TCP11: variants seen among roughly 807,000 people sequenced by gnomAD.
TCP11 encodes the protein T-complex protein 11 homolog.
TCP11 carries 34 observed loss-of-function variants against 45.0 expected under a neutral mutation model. The ratio of observed to expected loss-of-function variants is 0.76; its 90% CI spans 0.57 to 1.01. The LOEUF (loss-of-function observed/expected upper bound fraction) is 1.01. Ranked by LOEUF, TCP11 falls within the 50% of genes least tolerant of loss-of-function variation. TCP11 has a pLI of 0.00. For synonymous variants in TCP11, 227 were observed against 227.0 expected (o/e 1.00, Z 0.00); for missense variants, 523 against 598.1 (o/e 0.87, Z 1.31).
Position 35,141,319 on chromosome 6 carries a change from GA to G in TCP11, c.-130del. 8.0e-7 allele frequency: 1 copy of G among 1,248,528 alleles called. No homozygotes were observed. Among genetic ancestry groups the G allele is most frequent in the East Asian group, 3.2e-5 (1 of 31,308 alleles). 77.3% of individuals were successfully genotyped at this position (1,248,528 alleles called of 1,614,324 possible). On this transcript the variant is annotated 5_prime_UTR_variant, in exon 1 of 10. Transcript: ENST00000311875. ...GGCGGGTTGGGGCGTCGCACGGTGA[GA>G]AAGGCCGGGGCCTGAGAACAAACCG... is the stretch of plus-strand genomic sequence containing the variant.
At chr6:35,137,800 G>A (rs748536099) in intron 2 of TCP11, 26 of 455,808 alleles carry the variant, frequency 5.7e-5, no homozygotes, top group South Asian at 4.0e-4. Flanking sequence ...GCTCCAAGAT[G>A]TGGAGGAGAT....
chr6:35,136,007 T>A, intron 3 of TCP11, 100 bp downstream of exon 3: 1 of 762,210 alleles, frequency 1.3e-6, no homozygotes, highest in South Asian at 2.2e-5. Flanking sequence ...AAATACTCAT[T>A]GTATCATTAA....
At chr6:35,124,956 C>T (rs906474611) in intron 4 of TCP11, among the ~76,000 whole-genome samples, 21 of 151,244 alleles carry the variant, frequency 1.4e-4, no homozygotes, top group Admixed American at 5.3e-4. Flanking sequence ...TCGAGGCAGG[C>T]GGATCACCTG....
chr6:35,129,487 C>T (rs1245163224), intron 3 of TCP11, among the ~76,000 whole-genome samples: 4 of 152,142 alleles, frequency 2.6e-5, no homozygotes, highest in African/African-American at 4.8e-5. Context: ...GTGCATCTAG[C>T]CTAGATAACT....
At position 35,119,932 on chromosome 6, in the gene TCP11, A is replaced by G. The variant is rs553484310; in HGVS notation, c.1115+227T>C. 3.3e-5 allele frequency among the ~76,000 whole-genome samples: 5 copies of G among 152,292 alleles called. No homozygotes were observed. In the East Asian group the frequency reaches 9.6e-4, roughly 29 times the overall value. ...CAGCCCACAGTCACCACTCAACTAG[A>G]TAATGACCCTTTTGCAGCAAACTAT... On this transcript the variant is annotated intron_variant, in intron 8 of 9. Coordinates refer to ENST00000311875, the MANE Select transcript of TCP11 (RefSeq NM_001370687.1).
intron 4 of TCP11, among the ~76,000 whole-genome samples, chr6:35,122,574 A>G (rs1278496410): frequency 7.9e-5 from 12 of 152,240 alleles, no homozygotes; most frequent in Non-Finnish European, 1.5e-4. Flanking sequence ...TGAGATATAG[A>G]GATGAATAAA....
In TCP11 at chr6:35,140,784, G is replaced by T. The variant is rs199768438; in HGVS notation, c.87C>A (p.Pro29=). The T allele has an allele frequency of 8.4e-4, 1,288 of 1,531,758 alleles. 7 individuals carry two copies. In the African/African-American group the frequency reaches 0.016, roughly 19 times the overall value. 94.9% of individuals were successfully genotyped at this position (1,531,758 alleles called of 1,614,324 possible). The stretch of plus-strand genomic sequence containing the variant: ...CCTCGGAGCCGCTCTTGTCTTCCTG[G>T]GGGGGTCCTGAGGTTTCGGGCTTAC... ...RSCKPETSGP[P]QEDKSGSEDP... Residue 29 remains proline (P), a synonymous_variant, in exon 2 of 10, where the codon CCC becomes CCA. Coordinates refer to ENST00000311875, the MANE Select transcript of TCP11 (RefSeq NM_001370687.1).
At chr6:35,123,758 A>T (rs2127650558) in intron 4 of TCP11, among the ~76,000 whole-genome samples, 1 of 146,424 alleles carries the variant, frequency 6.8e-6, no homozygotes, top group Middle Eastern at 3.7e-3. Flanking sequence ...AAGTGCTGGG[A>T]TTATAATCAT....
chr6:35,121,450 G>A (rs1581802242), intron 5 of TCP11, among the ~76,000 whole-genome samples: 1 of 145,644 alleles, frequency 6.9e-6, no homozygotes, highest in East Asian at 2.0e-4. Context: ...TCCTAGAGTT[G>A]TGAAATACGG....
intron 4 of TCP11, among the ~76,000 whole-genome samples, chr6:35,124,948 G>A (rs1208656539): frequency 1.3e-5 from 2 of 151,522 alleles, no homozygotes; most frequent in Non-Finnish European, 2.9e-5. Flanking sequence ...TTGGGAGGTC[G>A]AGGCAGGCGG....
At chr6:35,130,942 C>T (rs567541651) in intron 3 of TCP11, among the ~76,000 whole-genome samples, 1 of 152,232 alleles carries the variant, frequency 6.6e-6, no homozygotes, top group South Asian at 2.1e-4. Flanking sequence ...TTCATAAGTG[C>T]CAAAACTTAG....
At chr6:35,139,388 A>C (rs1781474984) in intron 2 of TCP11, among the ~76,000 whole-genome samples, 1 of 152,168 alleles carries the variant, frequency 6.6e-6, no homozygotes, top group East Asian at 1.9e-4. Context: ...ATAAAAAGTT[A>C]AGGAGATTGT....
rs779936728 is a variant in TCP11, at chr6:35,120,318, C to T, written c.956G>A (p.Arg319Gln). 5.6e-6 allele frequency: 9 copies of T among 1,613,990 alleles called. No homozygotes were observed. In the East Asian group the frequency reaches 6.7e-5, roughly 12 times the overall value. ...FPETLLMDRT[R>Q]LQELKSQLHQ... is the part of the protein sequence containing the mutation. The stretch of plus-strand genomic sequence containing the variant: ...CAACTGGGACTTCAGCTCCTGCAGC[C>T]GGGTTCTGTCCATCAGCAGGGTCTG... The change falls in exon 8 of 10, where the codon CGG (arginine) becomes CAG (glutamine). Residue 319 changes from arginine (R) to glutamine (Q), a missense_variant. Coordinates refer to ENST00000311875, the MANE Select transcript of TCP11 (RefSeq NM_001370687.1). The surrounding 1 kb of genome is among the most constrained non-coding windows in gnomAD (Gnocchi z 4.9).
chr6:35,131,099 C>T (rs1247087559), intron 3 of TCP11, among the ~76,000 whole-genome samples: 1 of 152,088 alleles, frequency 6.6e-6, no homozygotes, highest in Non-Finnish European at 1.5e-5. Flanking sequence ...ATGGTGAAAA[C>T]CTATCTCTAC....
intron 3 of TCP11, among the ~76,000 whole-genome samples, chr6:35,131,292 G>A (rs2127671192): frequency 6.6e-6 from 1 of 150,886 alleles, no homozygotes; most frequent in East Asian, 2.0e-4. Flanking sequence ...AGAAGGCCGG[G>A]CGCGGTGGCT....
rs1439866290 is a variant in TCP11, at chr6:35,140,842, G to A, written c.29C>T (p.Pro10Leu). The change falls in exon 2 of 10, where the codon CCG (proline) becomes CTG (leucine). Residue 10 changes from proline to leucine, a missense_variant. Pro to Leu is a moderately conservative substitution (Grantham distance 98). Transcript: ENST00000311875. ...GCCCTCTGAGTCGCCAGGATATTTC[G>A]GGGGCACACTCTCCTTGACGTCTGG... MPDVKESVP[P>L]KYPGDSEGRS... is the part of the protein sequence containing the mutation. 1.9e-6 allele frequency: 3 copies of A among 1,568,630 alleles called. No homozygotes were observed. Among genetic ancestry groups the A allele is most frequent in the Non-Finnish European group, 2.6e-6 (3 of 1,161,186 alleles).
chr6:35,126,936 G>A (rs1326410631), intron 4 of TCP11, among the ~76,000 whole-genome samples: 1 of 152,060 alleles, frequency 6.6e-6, no homozygotes. Context: ...GAGATTACAG[G>A]TGTGAGCCAC....
rs886576978 is a variant in TCP11, at chr6:35,123,962, A to AT, written c.358-1626dup. Among the ~76,000 whole-genome samples the AT allele has an allele frequency of 2.6e-3, 374 of 146,002 alleles. 6 individuals carry two copies. The highest frequency in any genetic ancestry group is 0.013 in the East Asian group (63 of 5,014). On this transcript the variant is annotated intron_variant, in intron 4 of 9. Transcript: ENST00000311875. The stretch of plus-strand genomic sequence containing the variant: ...CCACCATGCCCAGCTAATTAAAAAG[A>AT]TTTTTTTTTTTCTAGAGATGGAGGT...
chr6:35,138,101 G>A (rs1347271911), intron 2 of TCP11, among the ~76,000 whole-genome samples: 1 of 152,174 alleles, frequency 6.6e-6, no homozygotes, highest in Non-Finnish European at 1.5e-5. Context: ...CGCTGGTGAG[G>A]ATGTGGAGGA....
Sources: allele counts gnomAD v4.1 joint callset (sites outside exome capture counted in the v4.1 genomes callset), GRCh38; gene constraint gnomAD v4.1.1; non-coding constraint Gnocchi (gnomAD v3.1); transcripts MANE v1.5; gene names NCBI Gene and HGNC (gene_info 2026-07-23, HGNC 2026-07-21).